The following TAF4 variants were observed in gnomAD, a reference collection of about 807,000 sequenced individuals.
TAF4 encodes the protein transcription initiation factor TFIID subunit 4.
Under a neutral mutation model 90.3 loss-of-function variants are expected in TAF4, and 9 were observed. The ratio of observed to expected loss-of-function variants is 0.10; its 90% CI spans 0.06 to 0.17. The LOEUF is 0.17. Among genes scored for constraint, TAF4 ranks in the 10% least tolerant of loss-of-function variants. The probability of loss-of-function intolerance (pLI) is 1.00; values close to 1 mark genes in which losing one functional copy is unlikely to be tolerated. For synonymous variants in TAF4, 818 were observed against 638.9 expected (o/e 1.28, Z -4.23); for missense variants, 1,351 against 1,370.7 (o/e 0.99, Z 0.23).
intron 1 of TAF4, among the ~76,000 whole-genome samples, chr20:62,029,124 A>G (rs866438926): frequency 2.0e-4 from 30 of 151,318 alleles, no homozygotes; most frequent in Middle Eastern, 3.4e-3. Context: ...TGAACCCAGG[A>G]GGCAGAGGTT....
chr20:61,980,177 A>C (rs1600823137), intron 14 of TAF4: 1 of 152,406 alleles, frequency 6.6e-6, no homozygotes, highest in African/African-American at 2.4e-5. Flanking sequence ...CAGGGCTCTC[A>C]AAAGGATCAA....
chr20:62,010,296 C>T lies in TAF4; in HGVS notation c.1642-131G>A. ...CCAGGACGCCCAGGAAGCCAAGGAC[C>T]CCGGCCACCTGCCAGCCCGCTGGAC... On this transcript the variant is annotated intron_variant, in intron 3 of 14. Transcript: ENST00000252996. The surrounding 1 kb of genome is among the most constrained non-coding windows in gnomAD (Gnocchi z 4.5). The T allele has an allele frequency of 7.3e-7, 1 of 1,369,782 alleles. No individual in the cohort carries two copies. Among genetic ancestry groups the T allele is most frequent in the Non-Finnish European group, 9.9e-7 (1 of 1,005,710 alleles). The allele number at this position is 1,369,782 out of a possible 1,614,324, so 84.9% of individuals were successfully genotyped here. A position where few individuals can be genotyped will look rare whatever the true frequency, so the allele number is the denominator to read the frequency against.
At chr20:62,009,736 G>A (rs564968504) in intron 4 of TAF4, among the ~76,000 whole-genome samples, 2 of 151,806 alleles carry the variant, frequency 1.3e-5, no homozygotes, top group African/African-American at 4.8e-5. Flanking sequence ...CCGACACTAC[G>A]AGTGTGTACA....
At chr20:62,027,038 A>G (rs2055879092) in intron 1 of TAF4, among the ~76,000 whole-genome samples, 1 of 152,244 alleles carries the variant, frequency 6.6e-6, no homozygotes, top group African/African-American at 2.4e-5. Context: ...CAAAAGAGCT[A>G]CGTGCAAATC....
At position 62,010,929 on chromosome 20, in the gene TAF4, T is replaced by C. The variant is rs1282055481; in HGVS notation, c.1642-764A>G. ...TTACTGATATTTTAAACTAGTACTTTTCCAATGTATAAATCTAGCAGTCAA... is the reference window on the plus strand; with the variant it reads ...TTACTGATATTTTAAACTAGTACTTCTCCAATGTATAAATCTAGCAGTCAA... On this transcript the variant is annotated intron_variant, in intron 3 of 14. Transcript: ENST00000252996. The surrounding 1 kb of genome is among the most constrained non-coding windows in gnomAD (Gnocchi z 4.5). Among the ~76,000 whole-genome samples, 2 of 152,256 alleles carry C rather than the reference T, an allele frequency of 1.3e-5. No individual in the cohort carries two copies. The highest frequency in any genetic ancestry group is 1.3e-4 in the Admixed American group (2 of 15,290).
At chr20:62,023,803 T>C (rs992668514) in intron 1 of TAF4, among the ~76,000 whole-genome samples, 1 of 133,400 alleles carries the variant, frequency 7.5e-6, no homozygotes, top group African/African-American at 2.8e-5. Context: ...GCTCCAGTAA[T>C]CTCAGGGCCG....
At chr20:62,014,986 C>T (rs749751534) in intron 1 of TAF4, among the ~76,000 whole-genome samples, 12 of 152,236 alleles carry the variant, frequency 7.9e-5, no homozygotes, top group Non-Finnish European at 1.5e-4. Context: ...CAATGGCTTC[C>T]ACCGGCCACA....
chr20:61,998,641 T>C lies in TAF4; in HGVS notation c.2913+342A>G, dbSNP rs117195996. Among the ~76,000 whole-genome samples the C allele has an allele frequency of 8.6e-3, 1,313 of 152,302 alleles. 10 individuals carry two copies. The highest frequency in any genetic ancestry group is 0.013 in the Non-Finnish European group (869 of 68,028). ...TCTGATTCTATTAATGAGCAGTGCC[T>C]CGCCTGGCTGTGAATGTTCTAGAAC... On this transcript the variant is annotated intron_variant, in intron 12 of 14. Coordinates refer to ENST00000252996, the MANE Select transcript of TAF4 (RefSeq NM_003185.4).
At chr20:62,031,766 T>C (rs1408861352) in intron 1 of TAF4, among the ~76,000 whole-genome samples, 1 of 151,834 alleles carries the variant, frequency 6.6e-6, no homozygotes, top group Non-Finnish European at 1.5e-5. Context: ...ACAAATAAAA[T>C]AATCAACAAG....
intron 1 of TAF4, among the ~76,000 whole-genome samples, chr20:62,020,398 A>C (rs1026120776): frequency 6.6e-6 from 1 of 152,248 alleles, no homozygotes; most frequent in African/African-American, 2.4e-5. Flanking sequence ...CGCCCCTGCC[A>C]GCCCACGGGG....
At chr20:61,983,036 G>A (rs886751278) in intron 14 of TAF4, among the ~76,000 whole-genome samples, 6 of 152,200 alleles carry the variant, frequency 3.9e-5, no homozygotes, top group African/African-American at 1.2e-4. Context: ...ACATCCTCAG[G>A]CTCTGAGTGA....
chr20:62,042,433 C>G (rs1239578117), intron 1 of TAF4, among the ~76,000 whole-genome samples: 2 of 152,230 alleles, frequency 1.3e-5, no homozygotes, highest in African/African-American at 4.8e-5. Flanking sequence ...GACTCGGGTA[C>G]CGAGAGGGCA....
chr20:61,997,812 C>T (rs1296332879), intron 13 of TAF4, 143 bp from the exon 14 acceptor site: 1 of 1,117,224 alleles, frequency 9.0e-7, no homozygotes. Flanking sequence ...CAATAGTAAG[C>T]ATATTCTATA....
intron 1 of TAF4, among the ~76,000 whole-genome samples, chr20:62,020,690 T>C (rs926333064): frequency 6.6e-6 from 1 of 152,170 alleles, no homozygotes; most frequent in Admixed American, 6.5e-5. Context: ...AGCAGTGAAC[T>C]GATCAAAATA....
chr20:62,064,350 G>C (rs567247421), intron 1 of TAF4, 101 bp downstream of exon 1: 3 of 1,234,936 alleles, frequency 2.4e-6, no homozygotes, highest in African/African-American at 3.1e-5. Flanking sequence ...CGGGCCTACG[G>C]GACAGATGAC....
chr20:62,045,097 A>G (rs1312027204), intron 1 of TAF4, among the ~76,000 whole-genome samples: 2 of 152,260 alleles, frequency 1.3e-5, no homozygotes, highest in African/African-American at 2.4e-5. Flanking sequence ...ACATGAAAAC[A>G]CAGGTGAGTA....
Position 62,064,480 on chromosome 20 carries a change from G to C in TAF4, c.1331C>G (p.Thr444Ser), listed in dbSNP as rs757100191. The change falls in exon 1 of 15, where the codon ACC becomes AGC. Residue 444 changes from threonine to serine, a missense_variant. Thr to Ser is a moderately conservative substitution (Grantham distance 58). Transcript: ENST00000252996. ...PRLPQPPQNPTNIQNFQLPPG... is the reference protein window; with the variant it reads ...PRLPQPPQNPSNIQNFQLPPG... Reference sequence around the variant, plus strand: ...GGGCAGCTGGAAGTTCTGGATGTTGGTCGGGTTCTGAGGCGGCTGCGGCAA... The same window carrying C: ...GGGCAGCTGGAAGTTCTGGATGTTGCTCGGGTTCTGAGGCGGCTGCGGCAA... The C allele has an allele frequency of 2.0e-6, 3 of 1,499,252 alleles. No homozygotes were observed. Among genetic ancestry groups the C allele is most frequent in the Middle Eastern group, 1.8e-4 (1 of 5,706 alleles). 92.9% of individuals were successfully genotyped at this position (1,499,252 alleles called of 1,614,324 possible).
intron 1 of TAF4, among the ~76,000 whole-genome samples, chr20:62,029,981 G>C (rs1425153423): frequency 6.6e-6 from 1 of 152,202 alleles, no homozygotes; most frequent in Non-Finnish European, 1.5e-5. Context: ...GGGCCAGAAG[G>C]AAGAACAGTG....
chr20:62,065,066 G>C lies in TAF4; in HGVS notation c.745C>G (p.Pro249Ala). 2 of 885,660 alleles carry C rather than the reference G, an allele frequency of 2.3e-6. No homozygotes were observed. Among genetic ancestry groups the C allele is most frequent in the South Asian group, 1.0e-4 (2 of 20,030 alleles). The allele number at this position is 885,660 out of a possible 1,614,324, so 54.9% of individuals were successfully genotyped here. ...QTPPFVGAAAPPAPAAPSPPA... is the reference protein window; with the variant it reads ...QTPPFVGAAAAPAPAAPSPPA... Reference sequence around the variant, plus strand: ...GGCGAGGGCGCGGCGGGCGCGGGGGGCGCGGCGGCGCCCACGAAGGGGGGC... The same window carrying C: ...GGCGAGGGCGCGGCGGGCGCGGGGGCCGCGGCGGCGCCCACGAAGGGGGGC... Residue 249 changes from proline (P) to alanine (A), a missense_variant, in exon 1 of 15, where the codon CCC becomes GCC. Around this residue, in one of 9 missense-constraint regions of TAF4, gnomAD observed 782 missense variants for 536.6 expected, o/e 1.46. Transcript: ENST00000252996.
Sources: allele counts gnomAD v4.1 joint callset (sites outside exome capture counted in the v4.1 genomes callset), GRCh38; gene constraint gnomAD v4.1.1; regional missense constraint gnomAD v4.1.1; non-coding constraint Gnocchi (gnomAD v3.1); transcripts MANE v1.5; gene names NCBI Gene and HGNC (gene_info 2026-07-23, HGNC 2026-07-21).